SUCLG2: variants seen among roughly 807,000 people sequenced by gnomAD.
The protein encoded by SUCLG2 is succinate--CoA ligase [GDP-forming] subunit beta, mitochondrial.
In SUCLG2, 42 loss-of-function variants were observed where a neutral mutation model predicts 47.9. The ratio of observed to expected loss-of-function variants is 0.88; its 90% CI spans 0.69 to 1.14. The LOEUF (loss-of-function observed/expected upper bound fraction) is 1.14, where lower values mean the gene tolerates loss of function less well. Ranked by LOEUF, SUCLG2 falls within the 50% of genes most tolerant of loss-of-function variation. The pLI is 0.00. For missense variants in SUCLG2, 571 were observed against 525.9 expected, an observed-to-expected ratio of 1.09 and a Z score of -0.84; for synonymous variants, 195 against 197.3, an observed-to-expected ratio of 0.99 and a Z score of 0.10.
chr3:67,574,251 A>G (rs1200493692), intron 2 of SUCLG2, among the ~76,000 whole-genome samples: 2 of 152,206 alleles, frequency 1.3e-5, no homozygotes, highest in Non-Finnish European at 2.9e-5. Flanking sequence ...CTAAACGTTT[A>G]TACTTGTTAA....
intron 10 of SUCLG2, among the ~76,000 whole-genome samples, chr3:67,384,628 C>T (rs1446595838): frequency 6.6e-6 from 1 of 152,198 alleles, no homozygotes; most frequent in South Asian, 2.1e-4. Flanking sequence ...TCTGGTGTTT[C>T]CCAGCTTGCA....
chr3:67,482,842 A>G (rs79150551), intron 9 of SUCLG2, among the ~76,000 whole-genome samples: 2,520 of 152,218 alleles, frequency 0.017, 72 homozygotes, highest in African/African-American at 0.056. Flanking sequence ...CTCCAAATGG[A>G]TTTTCTGCTT....
At chr3:67,563,471 C>T (rs1182699748) in intron 2 of SUCLG2, among the ~76,000 whole-genome samples, 1 of 152,156 alleles carries the variant, frequency 6.6e-6, no homozygotes, top group Non-Finnish European at 1.5e-5. Context: ...TATGATACGT[C>T]CATAAACTAG....
At chr3:67,446,619 A>T in intron 9 of SUCLG2, among the ~76,000 whole-genome samples, 1 of 149,504 alleles carries the variant, frequency 6.7e-6, no homozygotes, top group Non-Finnish European at 1.5e-5. Flanking sequence ...TTTTTAGTAG[A>T]GATGGGATTT....
intron 2 of SUCLG2, among the ~76,000 whole-genome samples, chr3:67,586,678 C>T (rs1434485670): frequency 6.6e-6 from 1 of 152,152 alleles, no homozygotes; most frequent in Non-Finnish European, 1.5e-5. Context: ...ATGCTCTAGA[C>T]CAAAGTTCGT....
chr3:67,527,774 G>A (rs1706294016), intron 4 of SUCLG2, among the ~76,000 whole-genome samples: 1 of 152,142 alleles, frequency 6.6e-6, no homozygotes, highest in Non-Finnish European at 1.5e-5. Flanking sequence ...CTGGGGTTGA[G>A]GGCCACTGTG....
In SUCLG2 at chr3:67,534,768, C is replaced by CAAAAAAAAA. The variant is rs60612549; in HGVS notation, c.227-5591_227-5583dup. 7.4e-4 allele frequency among the ~76,000 whole-genome samples: 26 copies of CAAAAAAAAA among 34,944 alleles called. 3 individuals carry two copies. The highest frequency in any genetic ancestry group is 1.2e-3 in the African/African-American group (13 of 11,300). 22.9% of individuals were successfully genotyped at this position (34,944 alleles called of 152,430 possible). A position where few individuals can be genotyped will look rare whatever the true frequency, so the allele number is the denominator to read the frequency against. The stretch of plus-strand genomic sequence containing the variant: ...GGACAGAACTCCCTAACACTGATGG[C>CAAAAAAAAA]AAAAAAAAAAAAAAAAAAAAAAAAA... On this transcript the variant is annotated intron_variant, in intron 2 of 10. Transcript: ENST00000307227.
At chr3:67,456,850 G>A (rs1315351882) in intron 9 of SUCLG2, among the ~76,000 whole-genome samples, 1 of 151,796 alleles carries the variant, frequency 6.6e-6, no homozygotes, top group Non-Finnish European at 1.5e-5. Context: ...ACATGTTTAG[G>A]GGGAAAATAT....
At chr3:67,639,668 C>G (rs185970959) in intron 1 of SUCLG2, among the ~76,000 whole-genome samples, 5 of 152,266 alleles carry the variant, frequency 3.3e-5, no homozygotes, top group African/African-American at 1.2e-4. Context: ...GTTTCCATAG[C>G]TGTCCTGTGG....
intron 1 of SUCLG2, among the ~76,000 whole-genome samples, chr3:67,619,667 C>T (rs1407009200): frequency 6.6e-6 from 1 of 152,108 alleles, no homozygotes; most frequent in Admixed American, 6.5e-5. Flanking sequence ...TTCTTTTTAT[C>T]CTAGGTTCAG....
chr3:67,414,575 C>T (rs1177198846), intron 9 of SUCLG2, among the ~76,000 whole-genome samples: 1 of 152,212 alleles, frequency 6.6e-6, no homozygotes, highest in Non-Finnish European at 1.5e-5. Context: ...GCTACACAAT[C>T]TATCCAATTG....
intron 2 of SUCLG2, among the ~76,000 whole-genome samples, chr3:67,571,497 A>T (rs2247456): frequency 0.95 from 144,113 of 152,226 alleles, 68,736 homozygotes; most frequent in Non-Finnish European, 1. Flanking sequence ...TCCACATAAA[A>T]CACTTCTGTT....
At chr3:67,503,190 C>T (rs1272746307) in intron 7 of SUCLG2, among the ~76,000 whole-genome samples, 1 of 152,138 alleles carries the variant, frequency 6.6e-6, no homozygotes, top group East Asian at 1.9e-4. Flanking sequence ...AAAAAGTTTG[C>T]CAATCCCTGC....
At chr3:67,632,157 TC>T (rs1425436370) in intron 1 of SUCLG2, among the ~76,000 whole-genome samples, 3 of 152,120 alleles carry the variant, frequency 2.0e-5, no homozygotes, top group African/African-American at 7.2e-5. Flanking sequence ...ATAAGCCAGT[TC>T]AAGCACAAAT....
intron 1 of SUCLG2, among the ~76,000 whole-genome samples, chr3:67,653,237 A>T (rs1423069478): frequency 6.6e-6 from 1 of 152,212 alleles, no homozygotes; most frequent in African/African-American, 2.4e-5. Context: ...TCTAACACTT[A>T]AATAATGAAT....
In SUCLG2 at chr3:67,477,871, T is replaced by C. The variant is rs1453753639; in HGVS notation, c.1062+17927A>G. Among the ~76,000 whole-genome samples, 4 of 152,224 alleles carry C rather than the reference T, an allele frequency of 2.6e-5. 1 individual carries two copies. The South Asian group carries it at 6.2e-4, about 24-fold the overall frequency. The stretch of plus-strand genomic sequence containing the variant: ...TTGTGGAATAAAAGAAATTAACTGA[T>C]CTACAGTGAAAAAATAAAAATAAAA... On this transcript the variant is annotated intron_variant, in intron 9 of 10. Transcript: ENST00000307227.
intron 9 of SUCLG2, among the ~76,000 whole-genome samples, chr3:67,466,755 G>A (rs968167936): frequency 6.6e-6 from 1 of 152,184 alleles, no homozygotes; most frequent in African/African-American, 2.4e-5. Flanking sequence ...GTAGACAGTG[G>A]CTGCCCAGCC....
intron 9 of SUCLG2, among the ~76,000 whole-genome samples, chr3:67,462,795 G>C (rs73104321): frequency 6.6e-6 from 1 of 152,170 alleles, no homozygotes; most frequent in East Asian, 1.9e-4. Flanking sequence ...AATCAGCATC[G>C]GAAGTGAGGC....
chr3:67,528,001 G>A (rs773400462), intron 4 of SUCLG2, 131 bp downstream of exon 4: 26 of 726,328 alleles, frequency 3.6e-5, no homozygotes, highest in Middle Eastern at 4.1e-4. Context: ...CAGATTAGAT[G>A]AGCTTTAAAA....
Sources: gnomAD v4.1 joint callset for allele counts (sites outside exome capture counted in the v4.1 genomes callset) on GRCh38, gnomAD v4.1.1 for gene constraint, MANE v1.5 for transcripts, NCBI Gene and HGNC (gene_info 2026-07-23, HGNC 2026-07-21) for gene names.